CNGA3: variants seen among roughly 807,000 people sequenced by gnomAD.
CNGA3 encodes cyclic nucleotide-gated channel alpha-3.
A neutral mutation model predicts 46.6 loss-of-function variants in CNGA3; 42 were observed. That is an observed-to-expected ratio of 0.90 (90% CI 0.70 to 1.17). The LOEUF is 1.17. CNGA3 is among the 50% of genes most tolerant of loss of function. The pLI is 0.00. For synonymous variants in CNGA3, 394 were observed against 369.4 expected, an observed-to-expected ratio of 1.07 and a Z score of -0.76; for missense variants, 893 against 890.7, an observed-to-expected ratio of 1.00 and a Z score of -0.03.
At chr2:98,371,819 G>A (rs1406835979) in intron 2 of CNGA3, among the ~76,000 whole-genome samples, 5 of 152,220 alleles carry the variant, frequency 3.3e-5, no homozygotes, top group African/African-American at 1.2e-4. Context: ...GCCCCTTGAA[G>A]GGGGTTTCAA....
At chr2:98,377,153 T>A (rs1271317262) in intron 2 of CNGA3, 6 of 170,432 alleles carry the variant, frequency 3.5e-5, no homozygotes, top group Non-Finnish European at 5.1e-5. Flanking sequence ...AGGGCCTCCG[T>A]GTTAACCAGC....
chr2:98,377,660 C>T (rs2104197498), intron 2 of CNGA3, 27 bp from the exon 3 acceptor site: 1 of 1,591,452 alleles, frequency 6.3e-7, no homozygotes, highest in East Asian at 2.2e-5. Flanking sequence ...GAAATCAATT[C>T]TGCTTGCTGC....
chr2:98,371,873 A>T (rs2104180556), intron 2 of CNGA3, among the ~76,000 whole-genome samples: 1 of 152,370 alleles, frequency 6.6e-6, no homozygotes, highest in Admixed American at 6.5e-5. Context: ...AGAATGAGGC[A>T]CAGCATAACA....
intron 1 of CNGA3, among the ~76,000 whole-genome samples, chr2:98,349,829 G>C (rs1180245676): frequency 6.6e-6 from 1 of 152,188 alleles, no homozygotes; most frequent in African/African-American, 2.4e-5. Context: ...GCTGGATCTG[G>C]GGCAGTAAGG....
At position 98,378,117 on chromosome 2, in the gene CNGA3, G is replaced by A. The variant is rs1445478801; in HGVS notation, c.215+317G>A. The A allele has an allele frequency of 4.5e-6, 7 of 1,550,922 alleles. No homozygotes were observed. The South Asian group carries it at 8.3e-5, about 18-fold the overall frequency. On this transcript the variant is annotated intron_variant, in intron 3 of 7. Transcript: ENST00000272602. ...AAGGTGGTAAGAGCAGCCAGCCGTGGGAGACCTTTGATTGGGTGGACACAG... is the reference window on the plus strand; with the variant it reads ...AAGGTGGTAAGAGCAGCCAGCCGTGAGAGACCTTTGATTGGGTGGACACAG...
In CNGA3 at chr2:98,380,788, A is replaced by G. The variant is rs372152287; in HGVS notation, c.395+434A>G. ...AGCCTTGGGGGGGTGTCTAAATGGTATCCACAAGTTTATGTGTAGGCACGC... is the reference window on the plus strand; with the variant it reads ...AGCCTTGGGGGGGTGTCTAAATGGTGTCCACAAGTTTATGTGTAGGCACGC... On this transcript the variant is annotated intron_variant, in intron 4 of 7. Transcript: ENST00000272602. Among the ~76,000 whole-genome samples the G allele has an allele frequency of 4.3e-4, 65 of 152,326 alleles. 1 individual carries two copies. Among genetic ancestry groups the G allele is most frequent in the African/African-American group, 1.5e-3 (64 of 41,572 alleles).
intron 1 of CNGA3, 40 bp downstream of exon 1, chr2:98,346,574 G>A (rs1279590046): frequency 2.5e-6 from 1 of 397,040 alleles, no homozygotes; most frequent in Non-Finnish European, 4.4e-6. Context: ...AATTTTTTGG[G>A]GGGCGCCGGG....
At chr2:98,360,695 G>A (rs1692011996) in intron 1 of CNGA3, among the ~76,000 whole-genome samples, 1 of 152,180 alleles carries the variant, frequency 6.6e-6, no homozygotes, top group South Asian at 2.1e-4. Flanking sequence ...AAATAATGAG[G>A]CCGGGGGGAG....
Position 98,377,752 on chromosome 2 carries a change from G to GACT in CNGA3, c.168_170dup (p.Leu57dup), listed in dbSNP as rs748929729. On this transcript the variant is annotated inframe_insertion, in exon 3 of 8. Transcript: ENST00000272602. Reference sequence around the variant, plus strand: ...CCGGGGATCGCCATGGAGACCAGAGGACTGGCTGACTCCGGGCAGGGCTCC... The same window carrying GACT: ...CCGGGGATCGCCATGGAGACCAGAGGACTACTGGCTGACTCCGGGCAGGGCTCC... 9 of 1,612,992 alleles carry GACT rather than the reference G, an allele frequency of 5.6e-6. No individual in the cohort carries two copies. The highest frequency in any genetic ancestry group is 8.5e-7 in the Non-Finnish European group (1 of 1,180,012).
At chr2:98,377,918 G>T in intron 3 of CNGA3, 118 bp downstream of exon 3, 1 of 1,297,338 alleles carries the variant, frequency 7.7e-7, no homozygotes, top group Non-Finnish European at 1.1e-6. Flanking sequence ...GGAAAAGAAA[G>T]GGTCAGGAGC....
intron 1 of CNGA3, chr2:98,351,064 G>A (rs896775069): frequency 2.6e-5 from 4 of 152,204 alleles, no homozygotes; most frequent in African/African-American, 9.7e-5. Context: ...ATACACCCTT[G>A]TTGTCTAAGA....
intron 1 of CNGA3, among the ~76,000 whole-genome samples, chr2:98,367,790 A>C (rs370402562): frequency 2.0e-5 from 3 of 152,238 alleles, no homozygotes; most frequent in East Asian, 3.9e-4. Flanking sequence ...TAGTTCAGGC[A>C]GTTGTTCTCT....
intron 7 of CNGA3, among the ~76,000 whole-genome samples, chr2:98,393,339 C>T (rs995637430): frequency 1.3e-5 from 2 of 152,190 alleles, no homozygotes; most frequent in African/African-American, 4.8e-5. Flanking sequence ...ATTTCAAGTG[C>T]GTCTTGCTTC....
chr2:98,396,147 A>C lies in CNGA3; in HGVS notation c.977A>C (p.Lys326Thr). The C allele has an allele frequency of 1.2e-6, 2 of 1,614,188 alleles. No individual in the cohort carries two copies. Among genetic ancestry groups the C allele is most frequent in the Non-Finnish European group, 8.5e-7 (1 of 1,180,036 alleles). ...WNACIYFAISKFIGFGTDSWV... is the reference protein window; with the variant it reads ...WNACIYFAISTFIGFGTDSWV... Reference sequence around the variant, plus strand: ...GCCTGCATCTACTTTGCCATTTCCAAGTTCATTGGTTTTGGGACAGACTCC... The same window carrying C: ...GCCTGCATCTACTTTGCCATTTCCACGTTCATTGGTTTTGGGACAGACTCC... The change falls in exon 8 of 8, where the codon AAG (lysine) becomes ACG (threonine). Residue 326 changes from lysine (K) to threonine (T), a missense_variant. Transcript: ENST00000272602.
rs373773361 is a variant in CNGA3 at position 98,357,163 on chromosome 2, T to C, written c.-38+10629T>C. Among the ~76,000 whole-genome samples the C allele has an allele frequency of 2.0e-5, 3 of 152,284 alleles. No individual in the cohort carries two copies. In the East Asian group the frequency reaches 5.8e-4, roughly 29 times the overall value. On this transcript the variant is annotated intron_variant, in intron 1 of 7. Transcript: ENST00000272602. ...GAGGCAGTTCTTGCCTTTAAGGCTT[T>C]TGGAGTCAGTAAAGGAACAAGAAAA...
intron 2 of CNGA3, among the ~76,000 whole-genome samples, chr2:98,374,301 CA>C (rs532180988): frequency 5.2e-4 from 79 of 152,346 alleles, no homozygotes; most frequent in African/African-American, 1.7e-3. Context: ...TCTTTCAAAG[CA>C]GTCTCTCCAT....
intron 1 of CNGA3, among the ~76,000 whole-genome samples, chr2:98,365,776 T>G (rs1335047887): frequency 6.6e-6 from 1 of 152,200 alleles, no homozygotes; most frequent in Admixed American, 6.5e-5. Flanking sequence ...CTAAACTGGT[T>G]ACTCTGGTTA....
At position 98,398,427 on chromosome 2, in the gene CNGA3, T is replaced by C. The variant is rs1238778301; in HGVS notation, c.*1172T>C. On this transcript the variant is annotated 3_prime_UTR_variant, in exon 8 of 8. Transcript: ENST00000272602. ...ATTACCCAAAGATGAGTCTTTCTTC[T>C]TTCTTTCCTTTTTCCTTTCTTCTTC... is the stretch of plus-strand genomic sequence containing the variant. 6.6e-6 allele frequency: 1 copy of C among 152,240 alleles called. No homozygotes were observed. The highest frequency in any genetic ancestry group is 1.5e-5 in the Non-Finnish European group (1 of 68,036). The allele number at this position is 152,240 out of a possible 1,614,324, so 9.4% of individuals were successfully genotyped here.
intron 1 of CNGA3, among the ~76,000 whole-genome samples, chr2:98,368,567 G>A (rs1008305814): frequency 2.0e-5 from 3 of 152,200 alleles, no homozygotes; most frequent in Admixed American, 2.0e-4. Context: ...TTCATGACCT[G>A]ATTTCTGGCA....
Sources: allele counts gnomAD v4.1 joint callset (sites outside exome capture counted in the v4.1 genomes callset), GRCh38; gene constraint gnomAD v4.1.1; transcripts MANE v1.5; gene names NCBI Gene and HGNC (gene_info 2026-07-23, HGNC 2026-07-21).